Variants in SAMD5 observed in about 807,000 individuals in gnomAD.
The protein encoded by SAMD5 is sterile alpha motif domain containing 5, also known as sterile alpha motif domain-containing protein 5.
A neutral mutation model predicts 11.3 loss-of-function variants in SAMD5; 13 were observed. That is an observed-to-expected ratio of 1.15 (90% confidence interval 0.75 to 1.83). The LOEUF (loss-of-function observed/expected upper bound fraction) is 1.83. SAMD5 is among the 40% of genes most tolerant of loss of function. The pLI, the probability that SAMD5 is intolerant of heterozygous loss-of-function variation, is 0.00. For synonymous variants in SAMD5, 129 were observed against 111.3 expected, an observed-to-expected ratio of 1.16 and a Z score of -1.00; for missense variants, 255 against 239.1, an observed-to-expected ratio of 1.07 and a Z score of -0.44.
chr6:147,719,653 A>G (rs1392764042), intron 1 of SAMD5, among the ~76,000 whole-genome samples: 2 of 152,182 alleles, frequency 1.3e-5, no homozygotes, highest in East Asian at 1.9e-4. Flanking sequence ...AATATCCACT[A>G]TGGTACGTCT....
chr6:147,530,846 G>A (rs951919328), intron 1 of SAMD5, among the ~76,000 whole-genome samples: 3 of 152,182 alleles, frequency 2.0e-5, no homozygotes, highest in East Asian at 1.9e-4. Context: ...CTTCTTTGCT[G>A]TTTCTACTGT....
the SAMD5 span, among the ~76,000 whole-genome samples, chr6:147,809,401 A>T: frequency 6.6e-6 from 1 of 152,112 alleles, no homozygotes; most frequent in Admixed American, 6.6e-5. Flanking sequence ...TGGAGAACGG[A>T]CCACACAGCT....
the SAMD5 span, among the ~76,000 whole-genome samples, chr6:147,750,127 T>C: frequency 2.6e-5 from 4 of 152,224 alleles, no homozygotes; most frequent in Admixed American, 2.0e-4. Flanking sequence ...ATAGAACTTC[T>C]AGAAAACACA....
intron 1 of SAMD5, among the ~76,000 whole-genome samples, chr6:147,509,901 T>C (rs1788061547): frequency 6.6e-6 from 1 of 152,178 alleles, no homozygotes; most frequent in Non-Finnish European, 1.5e-5. Context: ...ATCCCAGCGC[T>C]GCTGCAAATT....
chr6:147,847,127 G>C, the SAMD5 span, among the ~76,000 whole-genome samples: 5 of 152,114 alleles, frequency 3.3e-5, no homozygotes, highest in Non-Finnish European at 5.9e-5. Context: ...GTTCAAACCA[G>C]TGAAGACCAA....
chr6:147,888,077 T>C, the SAMD5 span, among the ~76,000 whole-genome samples: 113 of 152,324 alleles, frequency 7.4e-4, no homozygotes, highest in African/African-American at 2.5e-3. Context: ...ATGGGATTTG[T>C]AAATCCCATT....
chr6:147,858,315 T>G, the SAMD5 span, among the ~76,000 whole-genome samples: 1 of 152,184 alleles, frequency 6.6e-6, no homozygotes, highest in African/African-American at 2.4e-5. Flanking sequence ...GTATACTTCT[T>G]GGGCCTTCTT....
intron 1 of SAMD5, among the ~76,000 whole-genome samples, chr6:147,685,448 T>C (rs1583138872): frequency 6.6e-6 from 1 of 152,260 alleles, no homozygotes; most frequent in East Asian, 1.9e-4. Flanking sequence ...TGTGGGATTA[T>C]AGGCATGAGC....
At chr6:147,903,485 C>CATTTCAAGATGGT in the SAMD5 span, among the ~76,000 whole-genome samples, 1 of 152,142 alleles carries the variant, frequency 6.6e-6, no homozygotes, top group East Asian at 1.9e-4. Flanking sequence ...CCAATGGCAT[C>CATTTCAAGATGGT]GTCTAACAGC....
the SAMD5 span, among the ~76,000 whole-genome samples, chr6:147,907,818 T>C: frequency 3.9e-5 from 6 of 152,342 alleles, no homozygotes; most frequent in African/African-American, 1.4e-4. Context: ...ATTTTTCAGT[T>C]GTGCTATTAT....
chr6:147,514,514 G>A (rs1348797871), intron 1 of SAMD5, among the ~76,000 whole-genome samples: 2 of 151,644 alleles, frequency 1.3e-5, no homozygotes, highest in East Asian at 1.9e-4. Context: ...AAGAAGGTAC[G>A]CTCACCATTC....
chr6:147,667,791 A>G (rs1425656544), intron 1 of SAMD5, among the ~76,000 whole-genome samples: 2 of 148,484 alleles, frequency 1.3e-5, no homozygotes, highest in Non-Finnish European at 1.5e-5. Flanking sequence ...TTCTTCACAA[A>G]CAGTTTAAAT....
At chr6:147,770,262 T>TAAAA in the SAMD5 span, among the ~76,000 whole-genome samples, 1 of 150,860 alleles carries the variant, frequency 6.6e-6, no homozygotes, top group African/African-American at 2.4e-5. Flanking sequence ...TAATTTTTTT[T>TAAAA]AAAAAAAATC....
chr6:147,594,117 A>C (rs1345530671), intron 1 of SAMD5, among the ~76,000 whole-genome samples: 1 of 152,188 alleles, frequency 6.6e-6, no homozygotes, highest in African/African-American at 2.4e-5. Flanking sequence ...TGACAGAGTG[A>C]GACTTGGTCT....
chr6:147,822,282 T>C, the SAMD5 span, among the ~76,000 whole-genome samples: 1 of 152,232 alleles, frequency 6.6e-6, no homozygotes, highest in African/African-American at 2.4e-5. Context: ...TGAGTCTTAC[T>C]ATTATTTGAC....
the SAMD5 span, among the ~76,000 whole-genome samples, chr6:147,781,252 C>G: frequency 6.6e-6 from 1 of 151,030 alleles, no homozygotes; most frequent in Non-Finnish European, 1.5e-5. Flanking sequence ...ACCTCTCAGA[C>G]TCAAGTGATC....
chr6:147,897,813 C>A, the SAMD5 span, among the ~76,000 whole-genome samples: 3,474 of 151,822 alleles, frequency 0.023, 132 homozygotes, highest in African/African-American at 0.079. Context: ...GGCCTGGTGT[C>A]ACACACCTAT....
In SAMD5 at chr6:147,509,988, T is replaced by C. The variant is rs1262595685; in HGVS notation, c.459+601T>C. 2.0e-5 allele frequency among the ~76,000 whole-genome samples: 3 copies of C among 152,160 alleles called. No individual in the cohort carries two copies. The East Asian group carries it at 5.8e-4, about 29-fold the overall frequency. On this transcript the variant is annotated intron_variant, in intron 1 of 1. Transcript: ENST00000367474. ...ACGTGTCAGTCCACTTGAGATGATTTCCTAAACTTGTGTATACTGGAGGCA... is the reference window on the plus strand; with the variant it reads ...ACGTGTCAGTCCACTTGAGATGATTCCCTAAACTTGTGTATACTGGAGGCA...
At chr6:147,888,760 C>G in the SAMD5 span, among the ~76,000 whole-genome samples, 6,692 of 151,984 alleles carry the variant, frequency 0.044, 189 homozygotes, top group Middle Eastern at 0.054. Context: ...TGGCAGGTGC[C>G]TGTAATCCCA....
Sources: allele counts gnomAD v4.1 joint callset (sites outside exome capture counted in the v4.1 genomes callset), GRCh38; gene constraint gnomAD v4.1.1; transcripts MANE v1.5; gene names NCBI Gene and HGNC (gene_info 2026-07-23, HGNC 2026-07-21).